The following KIAA0825 variants were observed in gnomAD, a reference collection of about 807,000 sequenced individuals.
The protein encoded by KIAA0825 is KIAA0825.
A neutral mutation model predicts 147.6 loss-of-function variants in KIAA0825; 119 were observed. The observed-to-expected ratio is 0.81, with a 90% CI of 0.69 to 0.94. The LOEUF is 0.94. KIAA0825 is among the 40% of genes least tolerant of loss of function. KIAA0825 has a pLI of 0.00. For synonymous variants in KIAA0825, 470 were observed against 518.1 expected (o/e 0.91, Z 1.26); for missense variants, 1,381 against 1,472.7 (o/e 0.94, Z 1.02).
At chr5:94,347,285 T>C (rs1184547891) in intron 20 of KIAA0825, among the ~76,000 whole-genome samples, 1 of 152,204 alleles carries the variant, frequency 6.6e-6, no homozygotes, top group Admixed American at 6.5e-5. Context: ...TGCTGGTTCC[T>C]CCCCGTAATA....
chr5:94,415,972 TC>T (rs1285894831), intron 15 of KIAA0825: 1 of 152,166 alleles, frequency 6.6e-6, no homozygotes, highest in Non-Finnish European at 1.5e-5. Flanking sequence ...AGCTCTTACT[TC>T]CCCAGAAACA....
intron 20 of KIAA0825, among the ~76,000 whole-genome samples, chr5:94,353,298 C>T (rs774548894): frequency 1.3e-5 from 2 of 152,192 alleles, no homozygotes; most frequent in Non-Finnish European, 2.9e-5. Context: ...CAATTTTCTA[C>T]ATACCATTTA....
chr5:94,396,666 G>A (rs1211913836), intron 16 of KIAA0825, among the ~76,000 whole-genome samples, 157 bp from the exon 17 acceptor site: 26 of 151,854 alleles, frequency 1.7e-4, no homozygotes, highest in Middle Eastern at 3.4e-3. Context: ...GGGGTCTCTC[G>A]CAGTACTACC....
Position 94,470,010 on chromosome 5 carries a change from A to T in KIAA0825, c.1823T>A (p.Leu608Ter). 6.4e-7 allele frequency: 1 copy of T among 1,551,798 alleles called. No individual in the cohort carries two copies. The highest frequency in any genetic ancestry group is 8.7e-7 in the Non-Finnish European group (1 of 1,146,970). The stretch of plus-strand genomic sequence containing the variant: ...CCAGTGGTGGCTCTCAGCATCCTGT[A>T]AAATGCTTGTAGCACAAACTCTGAC... ...YCVRVCATSI[L>*]QDAESHHWDD... Residue 608 changes from leucine to a stop codon, truncating the protein, a stop_gained, in exon 10 of 21, where the codon TTA (leucine) becomes TAA (stop). Transcript: ENST00000682413. LOFTEE classifies it high-confidence loss of function.
chr5:94,238,615 AT>A (rs1242290878), intron 20 of KIAA0825, among the ~76,000 whole-genome samples: 28 of 152,290 alleles, frequency 1.8e-4, no homozygotes, highest in South Asian at 1.5e-3. Flanking sequence ...GTGATGGTTA[AT>A]GATAATTGAT....
In KIAA0825 at chr5:94,536,991, T is replaced by C. The variant is rs1772163521; in HGVS notation, c.131+5A>G. The C allele has an allele frequency of 6.3e-7, 1 of 1,589,756 alleles. No individual in the cohort carries two copies. Among genetic ancestry groups the C allele is most frequent in the Non-Finnish European group, 8.6e-7 (1 of 1,164,604 alleles). ...AACTTGTTTTAAATAATTAACAATATTTACCTTGCAGCATTTTGTTCAATC... is the reference window on the plus strand; with the variant it reads ...AACTTGTTTTAAATAATTAACAATACTTACCTTGCAGCATTTTGTTCAATC... On this transcript the variant is annotated splice_donor_5th_base_variant and intron_variant, in intron 3 of 20. Transcript: ENST00000682413.
At chr5:94,244,140 G>C (rs1775488761) in intron 20 of KIAA0825, among the ~76,000 whole-genome samples, 1 of 152,176 alleles carries the variant, frequency 6.6e-6, no homozygotes, top group Admixed American at 6.5e-5. Context: ...TGCAGCATGA[G>C]ATAGGCCGTT....
At chr5:94,201,172 T>A (rs1771653809) in intron 20 of KIAA0825, among the ~76,000 whole-genome samples, 1 of 150,602 alleles carries the variant, frequency 6.6e-6, no homozygotes. Context: ...CACAGAACCA[T>A]CAGCTATAAA....
chr5:94,288,299 C>T (rs1184751460), intron 20 of KIAA0825, among the ~76,000 whole-genome samples: 5 of 151,994 alleles, frequency 3.3e-5, no homozygotes, highest in South Asian at 4.2e-4. Context: ...CCAGATTTTT[C>T]CCCCCATCTC....
chr5:94,308,607 A>G (rs1488309512), intron 20 of KIAA0825, among the ~76,000 whole-genome samples: 2 of 151,800 alleles, frequency 1.3e-5, no homozygotes, highest in Non-Finnish European at 2.9e-5. Context: ...TACAAAGATT[A>G]CTCATGTTTT....
At chr5:94,433,898 T>C (rs75542324) in intron 14 of KIAA0825, among the ~76,000 whole-genome samples, 2,295 of 152,330 alleles carry the variant, frequency 0.015, 67 homozygotes, top group African/African-American at 0.052. Context: ...CAAATGTCAC[T>C]AGCAGGAAAG....
intron 1 of KIAA0825, among the ~76,000 whole-genome samples, chr5:94,611,030 T>C (rs148380626): frequency 3.3e-5 from 5 of 152,024 alleles, no homozygotes; most frequent in Non-Finnish European, 5.9e-5. Context: ...CAACTGCAGC[T>C]GTACAACCTC....
chr5:94,190,585 A>G (rs1192569192), intron 20 of KIAA0825, among the ~76,000 whole-genome samples: 1 of 141,218 alleles, frequency 7.1e-6, no homozygotes, highest in Non-Finnish European at 1.5e-5. Context: ...TGAGTATGGT[A>G]TTAGCTGTAG....
rs1164346742 is a variant in KIAA0825, at chr5:94,471,713, C to A, written c.1474G>T (p.Glu492Ter). 1.3e-6 allele frequency: 2 copies of A among 1,552,286 alleles called. No individual in the cohort carries two copies. Among genetic ancestry groups the A allele is most frequent in the South Asian group, 2.4e-5 (2 of 84,048 alleles). The change falls in exon 9 of 21, where the codon GAA becomes TAA. Residue 492 changes from glutamate to a stop codon, truncating the protein, a stop_gained. Coordinates refer to ENST00000682413, the MANE Select transcript of KIAA0825 (RefSeq NM_001145678.3). LOFTEE classifies it high-confidence loss of function. The part of the protein sequence containing the change: ...KIGKFCSDIM[E>*]KLDTMLPLAL... ...AGTGGAAGCATTGTGTCAAGTTTTT[C>A]CATGATGTCAGAACAAAACTAGGGA... is the stretch of plus-strand genomic sequence containing the variant.
intron 20 of KIAA0825, among the ~76,000 whole-genome samples, chr5:94,156,354 A>G (rs952852213): frequency 6.6e-6 from 1 of 152,254 alleles, no homozygotes; most frequent in Non-Finnish European, 1.5e-5. Context: ...TAGATATTAC[A>G]TAAAAGAACC....
intron 20 of KIAA0825, among the ~76,000 whole-genome samples, chr5:94,299,089 C>A (rs1047486192): frequency 1.3e-5 from 2 of 152,080 alleles, no homozygotes; most frequent in Non-Finnish European, 2.9e-5. Flanking sequence ...TGTTTCCATT[C>A]AGTTTTAAGT....
chr5:94,545,785 C>T (rs1774231907), intron 2 of KIAA0825, among the ~76,000 whole-genome samples: 1 of 152,160 alleles, frequency 6.6e-6, no homozygotes, highest in Non-Finnish European at 1.5e-5. Flanking sequence ...TGCATATTCC[C>T]AGCTGTGATG....
chr5:94,199,230 T>C (rs1281166959), intron 20 of KIAA0825, among the ~76,000 whole-genome samples: 1 of 152,214 alleles, frequency 6.6e-6, no homozygotes, highest in Non-Finnish European at 1.5e-5. Flanking sequence ...TTTATATTTT[T>C]TGTGCCCTTG....
intron 5 of KIAA0825, among the ~76,000 whole-genome samples, chr5:94,496,214 A>G (rs1764334026): frequency 6.6e-6 from 1 of 152,166 alleles, no homozygotes; most frequent in African/African-American, 2.4e-5. Flanking sequence ...AAACGGATGG[A>G]GAAAAAAATC....
Sources: gnomAD v4.1 joint callset for allele counts (sites outside exome capture counted in the v4.1 genomes callset) on GRCh38, gnomAD v4.1.1 for gene constraint, MANE v1.5 for transcripts, NCBI Gene and HGNC (gene_info 2026-07-23, HGNC 2026-07-21) for gene names.